The following OPCML variants were observed in gnomAD, a reference collection of about 807,000 sequenced individuals.
The protein encoded by OPCML is opioid-binding protein/cell adhesion molecule.
A neutral mutation model predicts 37.8 loss-of-function variants in OPCML; 13 were observed. That is an observed-to-expected ratio of 0.34 (90% CI 0.22 to 0.55). The LOEUF (loss-of-function observed/expected upper bound fraction) is 0.55, where lower values mean the gene tolerates loss of function less well. OPCML is among the 20% of genes least tolerant of loss of function. The pLI is 0.91. For missense variants in OPCML, 341 were observed against 435.6 expected, an observed-to-expected ratio of 0.78 and a Z score of 1.93; for synonymous variants, 176 against 168.8, an observed-to-expected ratio of 1.04 and a Z score of -0.33.
intron 2 of OPCML, among the ~76,000 whole-genome samples, chr11:132,825,527 T>C (rs566442357): frequency 1.3e-4 from 20 of 152,314 alleles, no homozygotes; most frequent in African/African-American, 4.6e-4. Flanking sequence ...TGGAAAACTA[T>C]TGTGAAGGTT....
chr11:132,847,359 C>T (rs970178003), intron 2 of OPCML, among the ~76,000 whole-genome samples: 13 of 152,076 alleles, frequency 8.5e-5, no homozygotes, highest in Admixed American at 1.3e-4. Flanking sequence ...CCTGTCAAAA[C>T]GTCCGTGGAG....
At chr11:132,999,413 C>T (rs570864562) in intron 1 of OPCML, among the ~76,000 whole-genome samples, 66 of 152,072 alleles carry the variant, frequency 4.3e-4, no homozygotes, top group Non-Finnish European at 1.9e-4. Context: ...GTGGTAAATA[C>T]ATTATTAAGA....
At chr11:132,521,126 G>A (rs1337015532) in intron 4 of OPCML, among the ~76,000 whole-genome samples, 1 of 152,086 alleles carries the variant, frequency 6.6e-6, no homozygotes, top group East Asian at 1.9e-4. Flanking sequence ...TTTCTCTAGT[G>A]ATCTGTGATG....
At chr11:133,454,490 G>A (rs1359318340) in intron 1 of OPCML, among the ~76,000 whole-genome samples, 1 of 152,166 alleles carries the variant, frequency 6.6e-6, no homozygotes, top group African/African-American at 2.4e-5. Context: ...TATTTATTGA[G>A]CATTGATTCT....
At chr11:132,701,981 G>T (rs1273068077) in intron 2 of OPCML, among the ~76,000 whole-genome samples, 1 of 152,002 alleles carries the variant, frequency 6.6e-6, no homozygotes, top group Non-Finnish European at 1.5e-5. Context: ...TACATTTTGT[G>T]TTGATATCAC....
At chr11:132,802,552 C>T (rs776802131) in intron 2 of OPCML, among the ~76,000 whole-genome samples, 23 of 152,158 alleles carry the variant, frequency 1.5e-4, no homozygotes, top group Non-Finnish European at 2.8e-4. Context: ...CAACATCTCT[C>T]CCTTTTAGAG....
At chr11:133,383,949 A>T (rs1264630272) in intron 1 of OPCML, among the ~76,000 whole-genome samples, 1 of 152,112 alleles carries the variant, frequency 6.6e-6, no homozygotes, top group Non-Finnish European at 1.5e-5. Flanking sequence ...TCACCAAGGT[A>T]CACGGACTCC....
At chr11:133,204,775 T>A (rs1938957117) in intron 1 of OPCML, among the ~76,000 whole-genome samples, 1 of 150,430 alleles carries the variant, frequency 6.6e-6, no homozygotes, top group South Asian at 2.1e-4. Context: ...ACAAGGAAAA[T>A]CAGTTTATCA....
intron 2 of OPCML, among the ~76,000 whole-genome samples, chr11:132,876,738 G>A (rs750808549): frequency 1.4e-4 from 22 of 152,138 alleles, no homozygotes; most frequent in Non-Finnish European, 1.3e-4. Context: ...AACGATGTGC[G>A]GAGATTGAAG....
At chr11:133,476,495 A>G (rs1947243655) in intron 1 of OPCML, among the ~76,000 whole-genome samples, 1 of 152,110 alleles carries the variant, frequency 6.6e-6, no homozygotes, top group Admixed American at 6.6e-5. Flanking sequence ...TTCCCTGTGT[A>G]GCAATCATTC....
At chr11:133,460,936 G>C (rs950833365) in intron 1 of OPCML, among the ~76,000 whole-genome samples, 1 of 151,738 alleles carries the variant, frequency 6.6e-6, no homozygotes, top group Non-Finnish European at 1.5e-5. Context: ...TGAGAAGAAA[G>C]TCAGTCAATC....
chr11:133,291,999 T>G (rs1168301129), intron 1 of OPCML, among the ~76,000 whole-genome samples: 1 of 152,196 alleles, frequency 6.6e-6, no homozygotes, highest in African/African-American at 2.4e-5. Flanking sequence ...TATAAACTAT[T>G]TATTAGGCCC....
At chr11:132,789,348 A>G (rs1462311063) in intron 2 of OPCML, among the ~76,000 whole-genome samples, 1 of 152,252 alleles carries the variant, frequency 6.6e-6, no homozygotes, top group African/African-American at 2.4e-5. Flanking sequence ...CTTAACAGAA[A>G]GTTATAACAT....
At chr11:133,248,986 C>T (rs1369766691) in intron 1 of OPCML, among the ~76,000 whole-genome samples, 1 of 152,196 alleles carries the variant, frequency 6.6e-6, no homozygotes, top group Admixed American at 6.5e-5. Flanking sequence ...GTCAGGATCT[C>T]ATGATCCAAC....
chr11:133,227,433 T>A (rs1940086201), intron 1 of OPCML, among the ~76,000 whole-genome samples: 1 of 152,126 alleles, frequency 6.6e-6, no homozygotes, highest in Non-Finnish European at 1.5e-5. Context: ...TCTCCCAGTT[T>A]GAAAAGAGAG....
chr11:132,538,422 G>A (rs1341540872), intron 3 of OPCML, among the ~76,000 whole-genome samples: 4 of 152,154 alleles, frequency 2.6e-5, no homozygotes, highest in Non-Finnish European at 5.9e-5. Context: ...AATGAGAAGT[G>A]ACTATTGATG....
At chr11:132,800,661 T>A (rs2136201531) in intron 2 of OPCML, among the ~76,000 whole-genome samples, 1 of 152,344 alleles carries the variant, frequency 6.6e-6, no homozygotes, top group East Asian at 1.9e-4. Context: ...ACTAATGAAA[T>A]GATTAAATAG....
intron 4 of OPCML, among the ~76,000 whole-genome samples, chr11:132,487,233 C>A (rs1209324251): frequency 6.6e-6 from 1 of 152,184 alleles, no homozygotes; most frequent in Non-Finnish European, 1.5e-5. Flanking sequence ...TGTACAATGA[C>A]AAATCCACCT....
chr11:132,746,286 TTTTTA>T (rs773657168), intron 2 of OPCML, among the ~76,000 whole-genome samples: 4 of 151,874 alleles, frequency 2.6e-5, no homozygotes, highest in African/African-American at 7.3e-5. Context: ...GTTATTTTTG[TTTTTA>T]TTTTGTTTGT....
Sources: allele counts gnomAD v4.1 joint callset (sites outside exome capture counted in the v4.1 genomes callset), GRCh38; gene constraint gnomAD v4.1.1; transcripts MANE v1.5; gene names NCBI Gene and HGNC (gene_info 2026-07-23, HGNC 2026-07-21).